Variants in SLC38A8 observed in about 807,000 individuals in gnomAD.
SLC38A8 encodes the protein amino acid transporter SLC38A8.
SLC38A8 carries 65 observed loss-of-function variants against 46.0 expected under a neutral mutation model. The ratio of observed to expected loss-of-function variants is 1.41; its 90% CI spans 1.16 to 1.74. SLC38A8 has a LOEUF of 1.74. SLC38A8 is among the 40% of genes most tolerant of loss of function. The pLI, the probability that SLC38A8 is intolerant of heterozygous loss-of-function variation, is 0.00. For missense variants in SLC38A8, 998 were observed against 567.9 expected, an observed-to-expected ratio of 1.76 and a Z score of -7.70; for synonymous variants, 447 against 243.7, an observed-to-expected ratio of 1.83 and a Z score of -7.77.
At position 84,033,514 on chromosome 16, in the gene SLC38A8, G is replaced by C. The variant is rs774404605; in HGVS notation, c.389-45C>G. On this transcript the variant is annotated intron_variant, in intron 3 of 10. Transcript: ENST00000299709. ...AGCTGAGCCACAGAGTACAAATGCC[G>C]TGGGTTCTCGGCTCCCACCTGGCCC... 4 of 1,530,252 alleles carry C rather than the reference G, an allele frequency of 2.6e-6. No individual in the cohort carries two copies. The South Asian group carries it at 5.1e-5, about 20-fold the overall frequency. The allele number at this position is 1,530,252 out of a possible 1,614,324, so 94.8% of individuals were successfully genotyped here. A position where few individuals can be genotyped will look rare whatever the true frequency, so the allele number is the denominator to read the frequency against.
intron 5 of SLC38A8, among the ~76,000 whole-genome samples, chr16:84,030,289 A>G (rs771740643): frequency 7.9e-5 from 12 of 152,104 alleles, no homozygotes; most frequent in African/African-American, 1.2e-4. Flanking sequence ...CACTTTGATC[A>G]CTTGTCACAA....
intron 9 of SLC38A8, among the ~76,000 whole-genome samples, chr16:84,014,455 C>T (rs973775209): frequency 6.6e-6 from 1 of 151,740 alleles, no homozygotes. Context: ...GAAAGCCCTG[C>T]CCAGAGTCGA....
intron 10 of SLC38A8, 149 bp from the exon 11 acceptor site, chr16:84,010,026 G>T (rs2084936057): frequency 1.8e-6 from 1 of 569,080 alleles, no homozygotes; most frequent in South Asian, 3.2e-5. Flanking sequence ...TTACCTGTAG[G>T]GATGGGTTTC....
chr16:84,022,098 T>C (rs2085102489), intron 7 of SLC38A8, among the ~76,000 whole-genome samples: 1 of 152,204 alleles, frequency 6.6e-6, no homozygotes. Context: ...GGGATTAAAT[T>C]TCAACCTGAG....
chr16:84,021,439 C>A (rs1299306165), intron 7 of SLC38A8, among the ~76,000 whole-genome samples: 1 of 152,220 alleles, frequency 6.6e-6, no homozygotes, highest in Admixed American at 6.5e-5. Context: ...TATTTGCCAG[C>A]TTCTAACAGG....
At chr16:84,013,884 G>A (rs2084989372) in intron 9 of SLC38A8, among the ~76,000 whole-genome samples, 1 of 152,212 alleles carries the variant, frequency 6.6e-6, no homozygotes, top group African/African-American at 2.4e-5. Flanking sequence ...CCTGGTCACA[G>A]CATCAGAATT....
intron 7 of SLC38A8, among the ~76,000 whole-genome samples, chr16:84,017,742 C>G (rs1263521349): frequency 1.3e-5 from 2 of 152,342 alleles, no homozygotes; most frequent in South Asian, 2.1e-4. Flanking sequence ...GGACTGAGGA[C>G]AAGAGCGCCA....
chr16:84,027,171 G>C (rs976344928), intron 6 of SLC38A8, among the ~76,000 whole-genome samples: 2 of 152,262 alleles, frequency 1.3e-5, no homozygotes, highest in Non-Finnish European at 2.9e-5. Context: ...CCAACGTGTT[G>C]AAACCTCGTC....
intron 7 of SLC38A8, 119 bp from the exon 8 acceptor site, chr16:84,017,406 A>G (rs2085043620): frequency 8.5e-7 from 1 of 1,178,036 alleles, no homozygotes; most frequent in Non-Finnish European, 1.2e-6. Context: ...GAGCTGAAAG[A>G]AGGTTCTGGA....
intron 10 of SLC38A8, among the ~76,000 whole-genome samples, chr16:84,012,535 A>G (rs1319456313): frequency 3.9e-5 from 6 of 152,176 alleles, no homozygotes; most frequent in Non-Finnish European, 8.8e-5. Flanking sequence ...GGATGAAGAC[A>G]TGTGGGTATG....
At chr16:84,040,141 G>A (rs955381673) in intron 2 of SLC38A8, 2 of 152,212 alleles carry the variant, frequency 1.3e-5, no homozygotes, top group African/African-American at 2.4e-5. Flanking sequence ...AGCCTCACCA[G>A]CTAAGTGGAG....
upstream of SLC38A8, among the ~76,000 whole-genome samples, chr16:84,043,077 C>A (rs753458363): frequency 6.6e-6 from 1 of 152,182 alleles, no homozygotes; most frequent in South Asian, 2.1e-4. Context: ...CAGGCTCCAC[C>A]GTCCGCAGGT....
intron 10 of SLC38A8, among the ~76,000 whole-genome samples, chr16:84,010,697 T>A (rs1398664586): frequency 6.6e-6 from 1 of 152,138 alleles, no homozygotes; most frequent in Non-Finnish European, 1.5e-5. Context: ...TGAGCCAAGA[T>A]TGCACCACTG....
At chr16:84,039,382 T>G (rs2085341831) in intron 2 of SLC38A8, among the ~76,000 whole-genome samples, 1 of 152,194 alleles carries the variant, frequency 6.6e-6, no homozygotes, top group Non-Finnish European at 1.5e-5. Flanking sequence ...GACTGGGTGG[T>G]ATCCTTTTTT....
At chr16:84,025,260 G>A (rs551484094) in intron 6 of SLC38A8, among the ~76,000 whole-genome samples, 2 of 152,104 alleles carry the variant, frequency 1.3e-5, no homozygotes, top group African/African-American at 4.8e-5. Context: ...AAAACCAAAC[G>A]TGCCAAGGCC....
intron 7 of SLC38A8, among the ~76,000 whole-genome samples, chr16:84,022,494 G>C (rs1178813500): frequency 3.9e-5 from 6 of 152,200 alleles, no homozygotes; most frequent in East Asian, 3.8e-4. Context: ...GGTGTGGTGT[G>C]TCAGAGCACG....
At chr16:84,037,871 C>T (rs1047331053) in intron 2 of SLC38A8, among the ~76,000 whole-genome samples, 13 of 135,674 alleles carry the variant, frequency 9.6e-5, no homozygotes, top group East Asian at 2.4e-4. Flanking sequence ...TGCCATGGCA[C>T]GACCTCGGCT....
chr16:84,019,001 C>T (rs945628436), intron 7 of SLC38A8, among the ~76,000 whole-genome samples: 7 of 152,050 alleles, frequency 4.6e-5, no homozygotes, highest in Non-Finnish European at 7.4e-5. Flanking sequence ...GTGGCCTCTC[C>T]CAGAGGAATT....
At chr16:84,036,670 T>TGGGCCACCCC in intron 3 of SLC38A8, 32 bp downstream of exon 3, 1 of 1,612,588 alleles carries the variant, frequency 6.2e-7, no homozygotes, top group Non-Finnish European at 8.5e-7. Context: ...TCCGGCACCC[T>TGGGCCACCCC]GGGCCACCCC....
Sources: allele counts gnomAD v4.1 joint callset (sites outside exome capture counted in the v4.1 genomes callset), GRCh38; gene constraint gnomAD v4.1.1; transcripts MANE v1.5; gene names NCBI Gene and HGNC (gene_info 2026-07-23, HGNC 2026-07-21).